OLA1: variants seen among roughly 807,000 people sequenced by gnomAD.
OLA1 encodes the protein obg-like ATPase 1.
OLA1 carries 14 observed loss-of-function variants against 48.4 expected under a neutral mutation model. The ratio of observed to expected loss-of-function variants is 0.29; its 90% CI spans 0.19 to 0.45. OLA1 has a LOEUF of 0.45. Ranked by LOEUF, OLA1 falls within the 20% of genes least tolerant of loss-of-function variation. The pLI, the probability that OLA1 is intolerant of heterozygous loss-of-function variation, is 1.00. For synonymous variants in OLA1, 127 were observed against 150.4 expected, an observed-to-expected ratio of 0.84 and a Z score of 1.14; for missense variants, 325 against 467.1, an observed-to-expected ratio of 0.70 and a Z score of 2.80.
intron 2 of OLA1, among the ~76,000 whole-genome samples, chr2:174,242,734 C>T (rs1689032624): frequency 6.6e-6 from 1 of 152,196 alleles, no homozygotes; most frequent in Non-Finnish European, 1.5e-5. Context: ...CTATCCCTCA[C>T]AGAAATAAAG....
At chr2:174,245,810 C>T (rs1430849565) in intron 2 of OLA1, among the ~76,000 whole-genome samples, 33 of 151,710 alleles carry the variant, frequency 2.2e-4, no homozygotes, top group Non-Finnish European at 4.4e-5. Flanking sequence ...AGGATAATTG[C>T]TGGAACCTGG....
intron 4 of OLA1, among the ~76,000 whole-genome samples, chr2:174,200,498 C>G (rs2105431704): frequency 6.6e-6 from 1 of 152,270 alleles, no homozygotes; most frequent in Non-Finnish European, 1.5e-5. Context: ...CTGGAACACC[C>G]TTGAGATCAT....
intron 4 of OLA1, among the ~76,000 whole-genome samples, chr2:174,146,510 T>C (rs995256580): frequency 3.3e-5 from 5 of 152,116 alleles, no homozygotes; most frequent in Non-Finnish European, 7.4e-5. Flanking sequence ...TGTAAGATCA[T>C]GAATGAAGAT....
At chr2:174,096,363 T>G (rs1685254841) in intron 7 of OLA1, among the ~76,000 whole-genome samples, 1 of 152,160 alleles carries the variant, frequency 6.6e-6, no homozygotes, top group Admixed American at 6.6e-5. Context: ...GACACAACAA[T>G]GTGAATATAC....
At chr2:174,143,742 G>T (rs1686513555) in intron 4 of OLA1, among the ~76,000 whole-genome samples, 1 of 152,078 alleles carries the variant, frequency 6.6e-6, no homozygotes. Flanking sequence ...TGATCTAAAA[G>T]AATCCAAAGA....
chr2:174,133,443 C>T (rs1686229783), intron 5 of OLA1, among the ~76,000 whole-genome samples: 1 of 152,214 alleles, frequency 6.6e-6, no homozygotes, highest in Non-Finnish European at 1.5e-5. Flanking sequence ...TCACTGCAAC[C>T]TCCGCCTCTC....
chr2:174,096,150 G>A (rs560857517), intron 7 of OLA1, among the ~76,000 whole-genome samples: 7 of 152,250 alleles, frequency 4.6e-5, no homozygotes, highest in African/African-American at 1.4e-4. Context: ...ATGGGTGAAC[G>A]TTGAAAACAC....
In OLA1 at chr2:174,123,218, A is replaced by T. The variant is rs1685959333; in HGVS notation, c.690T>A (p.Asn230Lys). ...TTCTAATGTAGTCTTTTTCAGAAAG[A>T]TTAACCAAGTAGACCATTGGTTTTG... is the stretch of plus-strand genomic sequence containing the variant. ...LTSKPMVYLV[N>K]LSEKDYIRKK... is the part of the protein sequence containing the mutation. The change falls in exon 7 of 11, where the codon AAT becomes AAA. Residue 230 changes from asparagine to lysine, a missense_variant. Physicochemically the swap from Asn to Lys is moderately conservative, Grantham distance 94. Transcript: ENST00000284719. 6.3e-7 allele frequency: 1 copy of T among 1,577,786 alleles called. No individual in the cohort carries two copies. Among genetic ancestry groups the T allele is most frequent in the Admixed American group, 1.7e-5 (1 of 57,698 alleles).
intron 7 of OLA1, among the ~76,000 whole-genome samples, chr2:174,115,844 G>A (rs937032213): frequency 3.9e-5 from 6 of 151,982 alleles, no homozygotes; most frequent in African/African-American, 1.5e-4. Flanking sequence ...TTTTATTCAC[G>A]GTCCTAATCA....
intron 7 of OLA1, among the ~76,000 whole-genome samples, chr2:174,085,653 G>A (rs1684958494): frequency 6.6e-6 from 1 of 152,078 alleles, no homozygotes; most frequent in Non-Finnish European, 1.5e-5. Flanking sequence ...TTTACTTTTA[G>A]CCTTGTGATC....
At chr2:174,151,814 T>C (rs1048258125) in intron 4 of OLA1, among the ~76,000 whole-genome samples, 2 of 152,170 alleles carry the variant, frequency 1.3e-5, no homozygotes, top group Non-Finnish European at 2.9e-5. Flanking sequence ...TTTCCATAAA[T>C]GACATGACAA....
chr2:174,090,107 C>T (rs1685080505), intron 7 of OLA1, among the ~76,000 whole-genome samples: 2 of 152,050 alleles, frequency 1.3e-5, no homozygotes, highest in Non-Finnish European at 2.9e-5. Context: ...CCTCACAGAA[C>T]TACTGGCTGA....
intron 4 of OLA1, among the ~76,000 whole-genome samples, chr2:174,221,110 C>T (rs1385870869): frequency 6.6e-6 from 1 of 152,098 alleles, no homozygotes; most frequent in Non-Finnish European, 1.5e-5. Context: ...TTCATCAATT[C>T]TAAGATGCGT....
At chr2:174,097,406 AC>A (rs1384097603) in intron 7 of OLA1, among the ~76,000 whole-genome samples, 1 of 152,146 alleles carries the variant, frequency 6.6e-6, no homozygotes, top group Non-Finnish European at 1.5e-5. Context: ...TCAGTGACAT[AC>A]ATAAAACTTT....
Position 174,079,106 on chromosome 2 carries a change from C to T in OLA1, c.967-16G>A. The T allele has an allele frequency of 6.4e-7, 1 of 1,571,418 alleles. No individual in the cohort carries two copies. Among genetic ancestry groups the T allele is most frequent in the Non-Finnish European group, 8.6e-7 (1 of 1,163,690 alleles). On this transcript the variant is annotated splice_polypyrimidine_tract_variant and intron_variant, in intron 9 of 10. Transcript: ENST00000284719. ...TAGTCCCTTTCTTTGAAAAGAAAGA[C>T]CAGAGAAAACTAATTGCATTTAAGA... is the stretch of plus-strand genomic sequence containing the variant.
At chr2:174,166,790 T>C (rs1357034949) in intron 4 of OLA1, among the ~76,000 whole-genome samples, 3 of 152,192 alleles carry the variant, frequency 2.0e-5, no homozygotes, top group African/African-American at 7.2e-5. Flanking sequence ...GTATTTCTTG[T>C]ACTGTTGATT....
chr2:174,235,061 C>T (rs1866641), intron 2 of OLA1, among the ~76,000 whole-genome samples: 2 of 151,794 alleles, frequency 1.3e-5, no homozygotes, highest in Admixed American at 6.6e-5. Context: ...TGGGAGGCTG[C>T]GGTAGGAGAA....
chr2:174,081,038 CT>C lies in OLA1; in HGVS notation c.966+113del. 3 of 808,628 alleles carry C rather than the reference CT, an allele frequency of 3.7e-6. No individual in the cohort carries two copies. In the South Asian group the frequency reaches 4.5e-5, roughly 12 times the overall value. 50.1% of individuals were successfully genotyped at this position (808,628 alleles called of 1,614,324 possible). On this transcript the variant is annotated intron_variant, in intron 9 of 10. Transcript: ENST00000284719. ...AATTAAAGTTATCCTGGACAAAAACCTCATCTGTAATGACTAGCTAACCGCC... is the reference window on the plus strand; with the variant it reads ...AATTAAAGTTATCCTGGACAAAAACCCATCTGTAATGACTAGCTAACCGCC...
At position 174,229,288 on chromosome 2, in the gene OLA1, T is replaced by C; in HGVS notation, c.245+20A>G. On this transcript the variant is annotated intron_variant, in intron 3 of 10. Coordinates refer to ENST00000284719, the MANE Select transcript of OLA1 (RefSeq NM_013341.5). ...AATCTACACAAAATCACCAAATAAA[T>C]AGCATAAAATATCTCTTACCTTGCT... 6.2e-7 allele frequency: 1 copy of C among 1,608,554 alleles called. No individual in the cohort carries two copies. Among genetic ancestry groups the C allele is most frequent in the South Asian group, 1.1e-5 (1 of 90,110 alleles).
Sources: allele counts gnomAD v4.1 joint callset (sites outside exome capture counted in the v4.1 genomes callset), GRCh38; gene constraint gnomAD v4.1.1; transcripts MANE v1.5; gene names NCBI Gene and HGNC (gene_info 2026-07-23, HGNC 2026-07-21).